The following UNC5D variants were observed in gnomAD, a reference collection of about 807,000 sequenced individuals.
UNC5D encodes the protein netrin receptor UNC5D.
A neutral mutation model predicts 105.4 loss-of-function variants in UNC5D; 39 were observed. The ratio of observed to expected loss-of-function variants is 0.37; its 90% CI spans 0.29 to 0.48. The LOEUF is 0.48. Among genes scored for constraint, UNC5D ranks in the 20% least tolerant of loss-of-function variants. The pLI, the probability that UNC5D is intolerant of heterozygous loss-of-function variation, is 0.98. For missense variants in UNC5D, 991 were observed against 1,202.4 expected (o/e 0.82, Z 2.60); for synonymous variants, 452 against 450.4 (o/e 1.00, Z -0.04).
chr8:35,719,092 G>A (rs550083457), intron 8 of UNC5D, among the ~76,000 whole-genome samples: 144 of 151,722 alleles, frequency 9.5e-4, no homozygotes, highest in Non-Finnish European at 1.9e-3. Context: ...GTGTTCTTGT[G>A]TGCGTGTGAT....
At chr8:35,250,946 T>A (rs1054126883) in intron 1 of UNC5D, among the ~76,000 whole-genome samples, 51 of 152,266 alleles carry the variant, frequency 3.3e-4, no homozygotes, top group African/African-American at 1.1e-3. Flanking sequence ...TGAATTAATT[T>A]CCTTAGGATA....
chr8:35,271,363 G>T (rs374033493), intron 1 of UNC5D, among the ~76,000 whole-genome samples: 1 of 99,712 alleles, frequency 1.0e-5, no homozygotes, highest in East Asian at 3.5e-4. Flanking sequence ...GCATACACAC[G>T]TGCACGTGTG....
rs527705723 is a variant in UNC5D at position 35,582,278 on chromosome 8, T to G, written c.467-13276T>G. ...CATGATAGCTCCTATTTCACCGCCA[T>G]TGTTCATTCACTTTTCCTGGAAAGC... On this transcript the variant is annotated intron_variant, in intron 3 of 16. Transcript: ENST00000404895. Among the ~76,000 whole-genome samples, 44 of 152,306 alleles carry G rather than the reference T, an allele frequency of 2.9e-4. 1 individual carries two copies. In the South Asian group the frequency reaches 8.9e-3, roughly 31 times the overall value.
rs77484343 is a variant in UNC5D, at chr8:35,316,015, C to T, written c.103+80128C>T. Among the ~76,000 whole-genome samples the T allele has an allele frequency of 6.4e-4, 97 of 152,212 alleles. No individual in the cohort carries two copies. The South Asian group carries it at 7.7e-3, about 12-fold the overall frequency. ...GATCAGCTTTATAGCTTAAAGAGATCGGTCGAGCTACATGATGGAGAATGT... is the reference window on the plus strand; with the variant it reads ...GATCAGCTTTATAGCTTAAAGAGATTGGTCGAGCTACATGATGGAGAATGT... On this transcript the variant is annotated intron_variant, in intron 1 of 16. Coordinates refer to ENST00000404895, the MANE Select transcript of UNC5D (RefSeq NM_080872.4).
chr8:35,332,383 G>A (rs1168862499), intron 1 of UNC5D, among the ~76,000 whole-genome samples: 1 of 152,198 alleles, frequency 6.6e-6, no homozygotes, highest in Non-Finnish European at 1.5e-5. Context: ...ACTGAGGATA[G>A]TGACAATAAT....
At chr8:35,783,239 T>C (rs979809948) in intron 16 of UNC5D, among the ~76,000 whole-genome samples, 2 of 152,138 alleles carry the variant, frequency 1.3e-5, no homozygotes, top group Admixed American at 1.3e-4. Context: ...CAGGTACAAG[T>C]GTTCCCTTCT....
chr8:35,609,130 G>C (rs1038054916), intron 4 of UNC5D, among the ~76,000 whole-genome samples: 1 of 151,980 alleles, frequency 6.6e-6, no homozygotes, highest in Admixed American at 6.6e-5. Context: ...GTATTTCATA[G>C]TGGCTTTAAT....
intron 2 of UNC5D, among the ~76,000 whole-genome samples, chr8:35,560,082 TTC>T (rs1415528375): frequency 2.0e-5 from 3 of 152,246 alleles, no homozygotes; most frequent in Non-Finnish European, 4.4e-5. Context: ...TATTTGTATA[TTC>T]TCTAAGACTC....
rs972047048 is a variant in UNC5D at position 35,257,096 on chromosome 8, T to C, written c.103+21209T>C. Among the ~76,000 whole-genome samples, 9 of 151,800 alleles carry C rather than the reference T, an allele frequency of 5.9e-5. No homozygotes were observed. The South Asian group carries it at 6.3e-4, about 11-fold the overall frequency. The stretch of plus-strand genomic sequence containing the variant: ...AAGCAATTGTCTTGCCTTAGCCTCC[T>C]GAGTAGCTGGGATTACAGGCACGCA... On this transcript the variant is annotated intron_variant, in intron 1 of 16. Coordinates refer to ENST00000404895, the MANE Select transcript of UNC5D (RefSeq NM_080872.4).
chr8:35,380,701 A>G (rs1802992229), intron 1 of UNC5D, among the ~76,000 whole-genome samples: 1 of 152,158 alleles, frequency 6.6e-6, no homozygotes, highest in Admixed American at 6.6e-5. Context: ...AATTTAGATG[A>G]TAGAGGGTGA....
chr8:35,445,681 C>T (rs9297238), intron 1 of UNC5D, among the ~76,000 whole-genome samples: 7,129 of 152,130 alleles, frequency 0.047, 186 homozygotes, highest in African/African-American at 0.065. Flanking sequence ...AGTGTAGTCC[C>T]TCCAGTATGG....
chr8:35,256,965 T>G (rs113117819), intron 1 of UNC5D, among the ~76,000 whole-genome samples: 532 of 51,452 alleles, frequency 0.01, 5 homozygotes, highest in African/African-American at 0.032. Flanking sequence ...TTTTGTTTTT[T>G]TTTTTTTTTT....
chr8:35,526,539 A>G (rs1234284100), intron 1 of UNC5D, among the ~76,000 whole-genome samples: 1 of 152,208 alleles, frequency 6.6e-6, no homozygotes, highest in East Asian at 1.9e-4. Flanking sequence ...TTCACAGGGT[A>G]AAATGGAAGA....
chr8:35,559,141 C>T (rs918000739), intron 2 of UNC5D, among the ~76,000 whole-genome samples: 2 of 152,042 alleles, frequency 1.3e-5, no homozygotes, highest in Non-Finnish European at 2.9e-5. Context: ...TTCTCAGCCC[C>T]AATCATGAAG....
chr8:35,378,217 A>G (rs1452957417), intron 1 of UNC5D, among the ~76,000 whole-genome samples: 1 of 152,176 alleles, frequency 6.6e-6, no homozygotes, highest in East Asian at 1.9e-4. Flanking sequence ...TGATTTTTCA[A>G]TACCTCTCCT....
chr8:35,683,167 T>C (rs1825782060), intron 4 of UNC5D, among the ~76,000 whole-genome samples: 1 of 152,234 alleles, frequency 6.6e-6, no homozygotes, highest in African/African-American at 2.4e-5. Flanking sequence ...TCTACATTTA[T>C]ATGTTAATTT....
chr8:35,278,367 G>A (rs1459253866), intron 1 of UNC5D, among the ~76,000 whole-genome samples: 2 of 152,018 alleles, frequency 1.3e-5, no homozygotes, highest in Non-Finnish European at 2.9e-5. Context: ...CATTAGGGTG[G>A]TTTTCCTCAG....
chr8:35,392,920 C>T (rs1422490275), intron 1 of UNC5D, among the ~76,000 whole-genome samples: 1 of 152,012 alleles, frequency 6.6e-6, no homozygotes, highest in Admixed American at 6.6e-5. Flanking sequence ...AGAATTGTAG[C>T]ATTTCTTCTT....
At chr8:35,788,204 T>TGC (rs1563764061) in intron 16 of UNC5D, among the ~76,000 whole-genome samples, 1 of 150,658 alleles carries the variant, frequency 6.6e-6, no homozygotes, top group African/African-American at 2.5e-5. Context: ...TGTGTGTGTG[T>TGC]GCGTGCATGC....
Sources: gnomAD v4.1 joint callset for allele counts (sites outside exome capture counted in the v4.1 genomes callset) on GRCh38, gnomAD v4.1.1 for gene constraint, MANE v1.5 for transcripts, NCBI Gene and HGNC (gene_info 2026-07-23, HGNC 2026-07-21) for gene names.